The following GNB4 variants were observed in gnomAD, a reference collection of about 807,000 sequenced individuals.
GNB4 encodes guanine nucleotide-binding protein subunit beta-4.
In GNB4, 28 loss-of-function variants were observed where a neutral mutation model predicts 45.2. The ratio of observed to expected loss-of-function variants is 0.62; its 90% CI spans 0.46 to 0.85. GNB4 has a LOEUF of 0.85. Ranked by LOEUF, GNB4 falls within the 40% of genes least tolerant of loss-of-function variation. The pLI is 0.00. For synonymous variants in GNB4, 132 were observed against 143.7 expected (o/e 0.92, Z 0.58); for missense variants, 321 against 425.4 (o/e 0.75, Z 2.16).
intron 1 of GNB4, among the ~76,000 whole-genome samples, chr3:179,437,138 A>G (rs1045811115): frequency 3.3e-5 from 5 of 152,200 alleles, no homozygotes; most frequent in African/African-American, 9.7e-5. Flanking sequence ...AGGGCCAGAT[A>G]TATTTCAGAA....
the GNB4 span, among the ~76,000 whole-genome samples, chr3:179,467,857 G>T: frequency 6.6e-6 from 1 of 151,804 alleles, no homozygotes; most frequent in South Asian, 2.1e-4. Context: ...ATACTGCAAA[G>T]TTATGATGTA....
chr3:179,430,071 GAGACAGACAGACAGACAGACAGACAGAC>G (rs3086948), intron 1 of GNB4, among the ~76,000 whole-genome samples: 8 of 142,258 alleles, frequency 5.6e-5, no homozygotes, highest in African/African-American at 7.8e-5. Context: ...GACTGAGAGA[GAGACAGACAGACAGACAGACAGACAGAC>G]AGACAGACAG....
intron 4 of GNB4, 27 bp from the exon 5 acceptor site, chr3:179,416,583 T>A: frequency 6.8e-7 from 1 of 1,475,714 alleles, no homozygotes; most frequent in Non-Finnish European, 9.3e-7. Flanking sequence ...AAAAATAATT[T>A]GACACTTAGA....
the GNB4 span, among the ~76,000 whole-genome samples, chr3:179,459,581 C>G: frequency 1.3e-5 from 2 of 151,982 alleles, no homozygotes; most frequent in Admixed American, 1.3e-4. Flanking sequence ...ACTCGGGAGG[C>G]TGAGGCAGGA....
chr3:179,468,035 A>AAAAAATATATATATATATATATAT, the GNB4 span, among the ~76,000 whole-genome samples: 9 of 89,852 alleles, frequency 1.0e-4, 1 homozygote, highest in African/African-American at 3.6e-4. Context: ...TGTTGATAAA[A>AAAAAATATATATATATATATATAT]ATATATATAT....
Position 179,405,355 on chromosome 3 carries a change from G to A in GNB4, c.751C>T (p.Arg251Trp), listed in dbSNP as rs756270613. ...TGATCTGCACGAAGGTCAAAGAGCCGGCAAGTGGCATCATCAGAGCCAGTG... is the reference window on the plus strand; with the variant it reads ...TGATCTGCACGAAGGTCAAAGAGCCAGCAAGTGGCATCATCAGAGCCAGTG... ...FATGSDDATCRLFDLRADQEL... is the reference protein window; with the variant it reads ...FATGSDDATCWLFDLRADQEL... Residue 251 changes from arginine to tryptophan, a missense_variant, in exon 9 of 10, where the codon CGG becomes TGG. Arg to Trp is a moderately radical substitution (Grantham distance 101). Coordinates refer to ENST00000232564, the MANE Select transcript of GNB4 (RefSeq NM_021629.4). 1.2e-5 allele frequency: 20 copies of A among 1,613,754 alleles called. No homozygotes were observed. Among genetic ancestry groups the A allele is most frequent in the Admixed American group, 3.3e-5 (2 of 59,994 alleles).
Position 179,397,372 on chromosome 3 carries a change from GTTTCA to G in GNB4, c.*3836_*3840del, listed in dbSNP as rs1431076334. 1 of 152,130 alleles carries G rather than the reference GTTTCA, an allele frequency of 6.6e-6. No homozygotes were observed. The highest frequency in any genetic ancestry group is 2.4e-5 in the African/African-American group (1 of 41,442). 9.4% of individuals were successfully genotyped at this position (152,130 alleles called of 1,614,324 possible). On this transcript the variant is annotated 3_prime_UTR_variant, in exon 10 of 10. Coordinates refer to ENST00000232564, the MANE Select transcript of GNB4 (RefSeq NM_021629.4). ...ACAGCATTTTTAAGCAATAATAAAA[GTTTCA>G]TTTTGTCACCTTAAGTCAAGATCCA...
the GNB4 span, among the ~76,000 whole-genome samples, chr3:179,523,497 G>A: frequency 6.6e-6 from 1 of 152,204 alleles, no homozygotes. Context: ...GGGGTGGATA[G>A]ATAAAACAAT....
intron 1 of GNB4, among the ~76,000 whole-genome samples, chr3:179,443,668 T>TTTAG (rs1193213774): frequency 6.6e-6 from 1 of 152,216 alleles, no homozygotes; most frequent in Non-Finnish European, 1.5e-5. Flanking sequence ...TTTTAGAGGT[T>TTTAG]TTAGTTAACA....
the GNB4 span, among the ~76,000 whole-genome samples, chr3:179,500,076 CTTTAG>C: frequency 1.3e-5 from 2 of 152,174 alleles, no homozygotes; most frequent in Admixed American, 6.5e-5. Context: ...TGCAGAAGCT[CTTTAG>C]TTTAATTAGA....
At chr3:179,480,591 A>AC in the GNB4 span, among the ~76,000 whole-genome samples, 3 of 151,852 alleles carry the variant, frequency 2.0e-5, no homozygotes, top group East Asian at 1.9e-4. Flanking sequence ...GATGCACTTC[A>AC]CCCCCCAACC....
At chr3:179,522,106 G>T in the GNB4 span, among the ~76,000 whole-genome samples, 22 of 152,168 alleles carry the variant, frequency 1.4e-4, no homozygotes, top group South Asian at 4.6e-3. Flanking sequence ...CCCAAGCTAA[G>T]CCATCATATC....
At chr3:179,443,453 C>A (rs1465074256) in intron 1 of GNB4, among the ~76,000 whole-genome samples, 1 of 152,124 alleles carries the variant, frequency 6.6e-6, no homozygotes, top group East Asian at 1.9e-4. Flanking sequence ...GCATGAGAAT[C>A]TTTTGAGCCT....
At chr3:179,417,149 A>G (rs1399366176) in intron 4 of GNB4, among the ~76,000 whole-genome samples, 2 of 152,216 alleles carry the variant, frequency 1.3e-5, no homozygotes, top group Non-Finnish European at 2.9e-5. Flanking sequence ...CAAGAGAATG[A>G]GTCTTGAAAG....
chr3:179,436,390 CAAAAT>C (rs1337266119), intron 1 of GNB4, among the ~76,000 whole-genome samples: 2 of 152,008 alleles, frequency 1.3e-5, no homozygotes, highest in African/African-American at 4.8e-5. Flanking sequence ...AACTCCATCT[CAAAAT>C]AAAATAAAAT....
At chr3:179,500,459 A>G in the GNB4 span, among the ~76,000 whole-genome samples, 11 of 152,308 alleles carry the variant, frequency 7.2e-5, 1 homozygote, top group African/African-American at 2.4e-4. Flanking sequence ...TTTTGGTACC[A>G]GTACCATGCT....
chr3:179,448,947 G>T (rs1466362719), intron 1 of GNB4, among the ~76,000 whole-genome samples: 3 of 152,250 alleles, frequency 2.0e-5, no homozygotes, highest in Admixed American at 6.5e-5. Context: ...AAGAAATGAG[G>T]CAGTCACTGA....
At chr3:179,408,880 C>T (rs1714558056) in intron 8 of GNB4, among the ~76,000 whole-genome samples, 1 of 151,770 alleles carries the variant, frequency 6.6e-6, no homozygotes, top group African/African-American at 2.4e-5. Context: ...GGCATGGTGG[C>T]TCACTCCTGA....
chr3:179,417,433 ACACT>A (rs1210232931), intron 4 of GNB4, among the ~76,000 whole-genome samples: 1 of 149,828 alleles, frequency 6.7e-6, no homozygotes, highest in East Asian at 1.9e-4. Context: ...TTTGAGACAG[ACACT>A]CACTGTGACA....
Sources: allele counts gnomAD v4.1 joint callset (sites outside exome capture counted in the v4.1 genomes callset), GRCh38; gene constraint gnomAD v4.1.1; transcripts MANE v1.5; gene names NCBI Gene and HGNC (gene_info 2026-07-23, HGNC 2026-07-21).